The following ZNF438 variants were observed in gnomAD, a reference collection of about 807,000 sequenced individuals.
ZNF438 encodes the protein zinc finger protein 438.
ZNF438 carries 25 observed loss-of-function variants against 38.0 expected under a neutral mutation model. That is an observed-to-expected ratio of 0.66 (90% confidence interval 0.48 to 0.92). The LOEUF (loss-of-function observed/expected upper bound fraction) is 0.92. Ranked by LOEUF, ZNF438 falls within the 40% of genes least tolerant of loss-of-function variation. ZNF438 has a pLI of 0.00. For missense variants in ZNF438, 1,007 were observed against 999.6 expected (o/e 1.01, Z -0.10); for synonymous variants, 372 against 364.1 (o/e 1.02, Z -0.25).
intron 4 of ZNF438, among the ~76,000 whole-genome samples, chr10:30,856,573 A>C (rs926467971): frequency 1.3e-5 from 2 of 152,026 alleles, no homozygotes; most frequent in East Asian, 3.9e-4. Context: ...TGATCTAAAA[A>C]CTCTCACCTG....
chr10:30,926,640 T>C (rs2044967443), intron 2 of ZNF438, among the ~76,000 whole-genome samples: 1 of 150,524 alleles, frequency 6.6e-6, no homozygotes, highest in South Asian at 2.1e-4. Flanking sequence ...CACTCCAGCC[T>C]GAGCGACAGG....
At chr10:30,865,524 C>T (rs1211402374) in intron 4 of ZNF438, among the ~76,000 whole-genome samples, 3 of 152,216 alleles carry the variant, frequency 2.0e-5, no homozygotes, top group Non-Finnish European at 4.4e-5. Context: ...CTTAATCTTA[C>T]ACCACCTTCT....
rs570820046 is a variant in ZNF438, at chr10:30,922,926, T to C, written c.-114-13911A>G. Among the ~76,000 whole-genome samples, 28 of 152,304 alleles carry C rather than the reference T, an allele frequency of 1.8e-4. No homozygotes were observed. In the South Asian group the frequency reaches 3.9e-3, roughly 21 times the overall value. On this transcript the variant is annotated intron_variant, in intron 2 of 5. Transcript: ENST00000413025. ...ATTAATAATATTTTAAACAACCCTT[T>C]CTAAGTATGTTAGGTTAAACAGGGT...
chr10:30,894,621 G>T (rs1006332736), intron 3 of ZNF438, among the ~76,000 whole-genome samples: 3 of 151,898 alleles, frequency 2.0e-5, no homozygotes, highest in African/African-American at 7.3e-5. Context: ...TAGAACTAAC[G>T]ATCAAGAGAA....
chr10:31,027,274 T>C (rs909226619), intron 1 of ZNF438, among the ~76,000 whole-genome samples: 1 of 152,124 alleles, frequency 6.6e-6, no homozygotes, highest in East Asian at 1.9e-4. Flanking sequence ...AAAAGAATTA[T>C]ATTTAAATGC....
At chr10:31,025,506 T>C (rs1330705696) in intron 1 of ZNF438, among the ~76,000 whole-genome samples, 5 of 152,248 alleles carry the variant, frequency 3.3e-5, no homozygotes, top group Admixed American at 6.5e-5. Flanking sequence ...CTTGGTGGCT[T>C]GCAATGCAGA....
chr10:30,982,935 T>C (rs2052376273), intron 1 of ZNF438, among the ~76,000 whole-genome samples: 1 of 152,224 alleles, frequency 6.6e-6, no homozygotes, highest in Admixed American at 6.5e-5. Flanking sequence ...TCTTTATTCG[T>C]ACTTGTTAAC....
intron 1 of ZNF438, among the ~76,000 whole-genome samples, chr10:30,974,782 G>T (rs1233124878): frequency 6.6e-6 from 1 of 152,226 alleles, no homozygotes; most frequent in Non-Finnish European, 1.5e-5. Context: ...GAATTTTAAA[G>T]TTAGAAAGGA....
intron 3 of ZNF438, among the ~76,000 whole-genome samples, chr10:30,885,420 C>T (rs980980252): frequency 3.3e-5 from 5 of 152,190 alleles, no homozygotes; most frequent in African/African-American, 1.2e-4. Flanking sequence ...GACAGCTTCA[C>T]CTAGATTGTA....
intron 1 of ZNF438, among the ~76,000 whole-genome samples, chr10:30,994,463 T>C (rs1305302985): frequency 6.6e-6 from 1 of 152,018 alleles, no homozygotes; most frequent in African/African-American, 2.4e-5. Context: ...ATCACAAGAG[T>C]GCATCTGTTT....
intron 4 of ZNF438, among the ~76,000 whole-genome samples, chr10:30,859,208 A>G (rs2035175414): frequency 6.6e-6 from 1 of 152,138 alleles, no homozygotes; most frequent in Non-Finnish European, 1.5e-5. Context: ...CAGCCTCCCA[A>G]GTAGCTGGGA....
chr10:30,947,597 G>T (rs1048153515), intron 1 of ZNF438, among the ~76,000 whole-genome samples: 5 of 152,386 alleles, frequency 3.3e-5, no homozygotes, highest in Non-Finnish European at 5.9e-5. Context: ...ATCAAGCCTG[G>T]GCAATGGCGG....
chr10:30,977,214 C>A (rs2051464655), intron 1 of ZNF438, among the ~76,000 whole-genome samples: 1 of 152,118 alleles, frequency 6.6e-6, no homozygotes, highest in Non-Finnish European at 1.5e-5. Context: ...ATTGAGAATA[C>A]CATACCAATA....
At position 30,885,789 on chromosome 10, in the gene ZNF438, TAAAAC is replaced by T. The variant is rs2039876986; in HGVS notation, c.-31-8729_-31-8725del. ...ACTATTAAAAATAAAGGAAAGTCAG[TAAAAC>T]AAAGAATGGCAAGGACAAAGTAATA... On this transcript the variant is annotated intron_variant, in intron 3 of 5. Transcript: ENST00000413025. 2.0e-5 allele frequency among the ~76,000 whole-genome samples: 3 copies of T among 152,124 alleles called. No homozygotes were observed. In the South Asian group the frequency reaches 6.2e-4, roughly 32 times the overall value.
chr10:30,954,635 A>G (rs1221263506), intron 1 of ZNF438, among the ~76,000 whole-genome samples: 5 of 152,204 alleles, frequency 3.3e-5, no homozygotes, highest in Admixed American at 6.5e-5. Context: ...TAGGAATATT[A>G]TGGGTGTTGT....
chr10:31,029,642 C>A (rs77194894), intron 1 of ZNF438, among the ~76,000 whole-genome samples: 12,629 of 152,220 alleles, frequency 0.083, 615 homozygotes, highest in Non-Finnish European at 0.11. Context: ...TCCATCCGAC[C>A]CACTCTAATC....
chr10:30,896,287 C>T (rs528510895), intron 3 of ZNF438, among the ~76,000 whole-genome samples: 12,094 of 113,886 alleles, frequency 0.11, 590 homozygotes, highest in Non-Finnish European at 0.12. Flanking sequence ...CTGAGTGAGA[C>T]TCCATCTCAA....
chr10:30,856,763 CT>C (rs1388596042), intron 4 of ZNF438, among the ~76,000 whole-genome samples: 5 of 152,144 alleles, frequency 3.3e-5, no homozygotes, highest in African/African-American at 1.2e-4. Flanking sequence ...AAAAGTGTCG[CT>C]CAGTAAAATT....
intron 1 of ZNF438, among the ~76,000 whole-genome samples, chr10:31,025,042 C>T (rs753487300): frequency 5.3e-5 from 8 of 152,136 alleles, no homozygotes; most frequent in Non-Finnish European, 8.8e-5. Context: ...GAATTATTTC[C>T]CATTCAGTAA....
Sources: gnomAD v4.1 joint callset for allele counts (sites outside exome capture counted in the v4.1 genomes callset) on GRCh38, gnomAD v4.1.1 for gene constraint, MANE v1.5 for transcripts, NCBI Gene and HGNC (gene_info 2026-07-23, HGNC 2026-07-21) for gene names.